The following NLRP14 variants were observed in gnomAD, a reference collection of about 807,000 sequenced individuals.
The protein encoded by NLRP14 is NACHT, LRR and PYD domains-containing protein 14.
In NLRP14, 105 loss-of-function variants were observed where a neutral mutation model predicts 94.7. The observed-to-expected ratio is 1.11, with a 90% confidence interval of 0.95 to 1.30. NLRP14 has a LOEUF of 1.30. NLRP14 is among the 50% of genes most tolerant of loss of function. NLRP14 has a pLI of 0.00. For missense variants in NLRP14, 1,362 were observed against 1,254.1 expected (o/e 1.09, Z -1.30); for synonymous variants, 508 against 459.9 (o/e 1.10, Z -1.34).
At chr11:7,089,425 G>A in the NLRP14 span, 1 of 1,555,184 alleles carries the variant, frequency 6.4e-7, no homozygotes, top group Non-Finnish European at 8.7e-7. Flanking sequence ...CCCCGCAGCC[G>A]CGGTCGCCCG....
chr11:7,047,702 T>C (rs1278702932), intron 5 of NLRP14, among the ~76,000 whole-genome samples: 1 of 152,028 alleles, frequency 6.6e-6, no homozygotes, highest in African/African-American at 2.4e-5. Flanking sequence ...CTTTTTGGAA[T>C]CATTTTGATT....
intron 1 of NLRP14, among the ~76,000 whole-genome samples, chr11:7,022,370 A>G (rs1448488537): frequency 6.6e-6 from 1 of 152,206 alleles, no homozygotes; most frequent in Non-Finnish European, 1.5e-5. Context: ...CCAAGTTCCT[A>G]GTCCAAGATG....
intron 1 of NLRP14, among the ~76,000 whole-genome samples, 180 bp from the exon 2 acceptor site, chr11:7,038,386 G>A (rs1852191229): frequency 6.6e-6 from 1 of 152,166 alleles, no homozygotes; most frequent in Admixed American, 6.5e-5. Context: ...CTATATCAGA[G>A]GAATGCTTTG....
At position 7,044,460 on chromosome 11, in the gene NLRP14, G is replaced by A. The variant is rs896181457; in HGVS notation, c.1958+476G>A. Among the ~76,000 whole-genome samples, 16 of 152,080 alleles carry A rather than the reference G, an allele frequency of 1.1e-4. No individual in the cohort carries two copies. The East Asian group carries it at 1.2e-3, about 11-fold the overall frequency. On this transcript the variant is annotated intron_variant, in intron 4 of 11. Transcript: ENST00000299481. ...CCTCCGTACTCCACTGACCTAGCTC[G>A]CTTTCTCTATTGCCCAGACATTGGT...
intron 6 of NLRP14, 60 bp from the exon 7 acceptor site, chr11:7,057,617 T>A (rs1310354863): frequency 2.0e-6 from 3 of 1,465,130 alleles, no homozygotes; most frequent in Non-Finnish European, 2.9e-6. Flanking sequence ...GATCGGTAGG[T>A]GTTGGTTGTA....
intron 9 of NLRP14, 78 bp downstream of exon 9, chr11:7,060,142 A>G: frequency 8.0e-7 from 1 of 1,246,690 alleles, no homozygotes; most frequent in Admixed American, 1.7e-5. Context: ...AAGGCTGAGA[A>G]CCGAGCATCT....
intron 3 of NLRP14, among the ~76,000 whole-genome samples, chr11:7,040,496 T>A (rs1355081746): frequency 6.6e-6 from 1 of 152,158 alleles, no homozygotes; most frequent in African/African-American, 2.4e-5. Context: ...CACCCCTGCC[T>A]CCTACATCCA....
the NLRP14 span, among the ~76,000 whole-genome samples, chr11:7,078,697 A>G: frequency 2.6e-5 from 4 of 151,996 alleles, no homozygotes; most frequent in African/African-American, 9.6e-5. Flanking sequence ...CTGAAGCAGG[A>G]GAATTGCTTG....
chr11:7,083,458 A>G, the NLRP14 span, among the ~76,000 whole-genome samples: 1 of 152,138 alleles, frequency 6.6e-6, no homozygotes, highest in East Asian at 1.9e-4. Flanking sequence ...AGTTCTCTGA[A>G]TATTTGCATC....
chr11:7,069,936 C>T (rs1474397777), intron 10 of NLRP14, among the ~76,000 whole-genome samples: 2 of 152,070 alleles, frequency 1.3e-5, no homozygotes, highest in Non-Finnish European at 2.9e-5. Context: ...CTATTCCTTG[C>T]TTTTTAAACA....
At position 7,049,657 on chromosome 11, in the gene NLRP14, T is replaced by C; in HGVS notation, c.2124-14T>C. 1 of 1,598,390 alleles carries C rather than the reference T, an allele frequency of 6.3e-7. No homozygotes were observed. The highest frequency in any genetic ancestry group is 8.6e-7 in the Non-Finnish European group (1 of 1,165,704). The stretch of plus-strand genomic sequence containing the variant: ...ATGGTTTTGTAATACCTCCTGCATA[T>C]TTTTCTTCTGAAGGTTGAAATTTAT... On this transcript the variant is annotated splice_polypyrimidine_tract_variant and intron_variant, in intron 5 of 11. Transcript: ENST00000299481.
the NLRP14 span, among the ~76,000 whole-genome samples, chr11:7,077,368 G>A: frequency 2.6e-5 from 4 of 152,338 alleles, no homozygotes; most frequent in African/African-American, 7.2e-5. Flanking sequence ...TTCTTTGCCC[G>A]CAGGGGGCAA....
At chr11:7,041,121 A>G (rs376572750) in intron 3 of NLRP14, among the ~76,000 whole-genome samples, 5 of 152,286 alleles carry the variant, frequency 3.3e-5, no homozygotes, top group African/African-American at 1.2e-4. Flanking sequence ...TGTTTGAATT[A>G]CTATAGTTTC....
intron 9 of NLRP14, among the ~76,000 whole-genome samples, chr11:7,061,953 A>G (rs1852628392): frequency 6.6e-6 from 1 of 152,044 alleles, no homozygotes; most frequent in South Asian, 2.1e-4. Flanking sequence ...CTTTGAAGAT[A>G]ATACTTTGAG....
chr11:7,087,083 C>G, the NLRP14 span, among the ~76,000 whole-genome samples: 8 of 152,170 alleles, frequency 5.3e-5, no homozygotes, highest in African/African-American at 1.9e-4. Context: ...ATTCTTTGTT[C>G]TAAATATCTT....
chr11:7,044,112 G>C, intron 4 of NLRP14, 128 bp downstream of exon 4: 1 of 914,830 alleles, frequency 1.1e-6, no homozygotes. Flanking sequence ...CCCATCTTGA[G>C]GCAGGGAGGC....
chr11:7,089,933 G>C, the NLRP14 span: 7 of 1,612,900 alleles, frequency 4.3e-6, no homozygotes, highest in African/African-American at 5.3e-5. Flanking sequence ...GTGACTACGG[G>C]GATCATCTGA....
chr11:7,037,009 C>T (rs74563743), intron 1 of NLRP14, among the ~76,000 whole-genome samples: 1,549 of 152,152 alleles, frequency 0.01, 22 homozygotes, highest in African/African-American at 0.033. Context: ...GGGAAGAGAG[C>T]GCCCCTCATT....
chr11:7,048,269 TGTCA>T (rs1852389324), intron 5 of NLRP14, among the ~76,000 whole-genome samples: 2 of 152,224 alleles, frequency 1.3e-5, no homozygotes, highest in Admixed American at 6.5e-5. Context: ...CATTAGATGC[TGTCA>T]GTCTTTTTTA....
Sources: allele counts gnomAD v4.1 joint callset (sites outside exome capture counted in the v4.1 genomes callset), GRCh38; gene constraint gnomAD v4.1.1; transcripts MANE v1.5; gene names NCBI Gene and HGNC (gene_info 2026-07-23, HGNC 2026-07-21).